Variants in UQCC1 observed in about 807,000 individuals in gnomAD.
UQCC1 encodes ubiquinol-cytochrome c reductase complex assembly factor 1.
In UQCC1, 38 loss-of-function variants were observed where a neutral mutation model predicts 48.0. The observed-to-expected ratio is 0.79, with a 90% confidence interval of 0.61 to 1.04. The LOEUF is 1.04. Among genes scored for constraint, UQCC1 ranks in the 50% least tolerant of loss-of-function variants. UQCC1 has a pLI of 0.00. For synonymous variants in UQCC1, 111 were observed against 129.2 expected (o/e 0.86, Z 0.95); for missense variants, 368 against 381.8 (o/e 0.96, Z 0.30).
At chr20:35,393,316 G>T (rs987541216) in intron 2 of UQCC1, among the ~76,000 whole-genome samples, 1 of 151,898 alleles carries the variant, frequency 6.6e-6, no homozygotes, top group African/African-American at 2.4e-5. Flanking sequence ...CATATCAAAG[G>T]CTAAGTAAAT....
rs144839279 is a variant in UQCC1 at position 35,366,559 on chromosome 20, G to C, written c.462C>G (p.Val154=). ...CTTCATTTAAATTGCTCACTTACCA[G>C]ACGTGGAGTAGGGTTATAAGAAACC... ...NSWFLITLLH[V]WMCLVRMKQE... The change falls in exon 6 of 10, where the codon GTC becomes GTG. Residue 154 remains valine, a splice_region_variant and synonymous_variant. Coordinates refer to ENST00000374385, the MANE Select transcript of UQCC1 (RefSeq NM_018244.5). The C allele has an allele frequency of 2.5e-6, 4 of 1,613,632 alleles. No homozygotes were observed. The African/African-American group carries it at 5.3e-5, about 22-fold the overall frequency.
chr20:35,350,123 A>G (rs2061474207), intron 6 of UQCC1, among the ~76,000 whole-genome samples: 2 of 152,204 alleles, frequency 1.3e-5, no homozygotes, highest in Admixed American at 6.6e-5. Context: ...AGGAATGTCT[A>G]AAGTTTTGTT....
chr20:35,399,843 G>A (rs1456883795), intron 1 of UQCC1, among the ~76,000 whole-genome samples: 1 of 120,736 alleles, frequency 8.3e-6, no homozygotes, highest in Non-Finnish European at 1.7e-5. Flanking sequence ...GCGTGACAGA[G>A]CAAGACTCCA....
intron 1 of UQCC1, among the ~76,000 whole-genome samples, chr20:35,397,105 C>T (rs1353350561): frequency 6.7e-6 from 1 of 148,266 alleles, no homozygotes; most frequent in Non-Finnish European, 1.5e-5. Flanking sequence ...GGCTGAGGCA[C>T]GAGAATCACT....
chr20:35,399,718 G>A (rs1380391257), intron 1 of UQCC1, among the ~76,000 whole-genome samples: 8 of 151,814 alleles, frequency 5.3e-5, no homozygotes, highest in East Asian at 2.0e-4. Context: ...TTAGCCGGGC[G>A]TGGTGGCAGG....
At chr20:35,338,971 G>A (rs1387883875) in intron 7 of UQCC1, among the ~76,000 whole-genome samples, 1 of 129,580 alleles carries the variant, frequency 7.7e-6, no homozygotes, top group Non-Finnish European at 1.5e-5. Context: ...GCTGAATAGA[G>A]AACCTCTGAG....
At chr20:35,330,654 T>C (rs2061246333) in intron 7 of UQCC1, among the ~76,000 whole-genome samples, 1 of 152,152 alleles carries the variant, frequency 6.6e-6, no homozygotes, top group Admixed American at 6.5e-5. Flanking sequence ...TCTCTTCTGG[T>C]CCCTTTGAAC....
chr20:35,363,555 A>G (rs1169354284), intron 6 of UQCC1, among the ~76,000 whole-genome samples: 1 of 152,188 alleles, frequency 6.6e-6, no homozygotes, highest in African/African-American at 2.4e-5. Flanking sequence ...TAAGTGAAAC[A>G]CCATTTCCTC....
At chr20:35,400,605 C>A (rs1430435854) in intron 1 of UQCC1, among the ~76,000 whole-genome samples, 1 of 151,840 alleles carries the variant, frequency 6.6e-6, no homozygotes, top group Non-Finnish European at 1.5e-5. Flanking sequence ...ACGCCATTCT[C>A]CTGCCTCAGC....
chr20:35,379,355 A>T (rs1446065518), intron 4 of UQCC1, among the ~76,000 whole-genome samples: 1 of 152,240 alleles, frequency 6.6e-6, no homozygotes, highest in Non-Finnish European at 1.5e-5. Context: ...CAAAACAAAT[A>T]ATTTTGCCAG....
intron 6 of UQCC1, among the ~76,000 whole-genome samples, chr20:35,362,595 G>A (rs1006752836): frequency 3.3e-5 from 5 of 152,120 alleles, no homozygotes; most frequent in African/African-American, 9.7e-5. Context: ...CTAACCTCAG[G>A]TGATCTGCCC....
chr20:35,372,308 CAAA>C (rs1195132058), intron 5 of UQCC1, among the ~76,000 whole-genome samples: 3 of 93,966 alleles, frequency 3.2e-5, no homozygotes, highest in Admixed American at 1.2e-4. Context: ...GATTCTGTCT[CAAA>C]AAAAAAAAAA....
chr20:35,326,201 A>G (rs181151652), intron 7 of UQCC1, among the ~76,000 whole-genome samples: 1 of 152,228 alleles, frequency 6.6e-6, no homozygotes, highest in Admixed American at 6.5e-5. Context: ...TGCTTTCAAG[A>G]GAAATGACTA....
Position 35,303,257 on chromosome 20 carries a change from G to C in UQCC1, c.*678C>G, listed in dbSNP as rs1220939791. On this transcript the variant is annotated 3_prime_UTR_variant, in exon 10 of 10. Transcript: ENST00000374385. ...GCCCTTGGTCATCAGAGGCCTCCTG[G>C]GTCCCAGACGACAGGCCTGGCTGGC... is the stretch of plus-strand genomic sequence containing the variant. The C allele has an allele frequency of 6.6e-6, 1 of 152,204 alleles. No individual in the cohort carries two copies. Among genetic ancestry groups the C allele is most frequent in the Non-Finnish European group, 1.5e-5 (1 of 68,064 alleles). The allele number at this position is 152,204 out of a possible 1,614,324, so 9.4% of individuals were successfully genotyped here. A position where few individuals can be genotyped will look rare whatever the true frequency, so the allele number is the denominator to read the frequency against.
At chr20:35,358,303 G>A (rs1206450205) in intron 6 of UQCC1, among the ~76,000 whole-genome samples, 1 of 133,154 alleles carries the variant, frequency 7.5e-6, no homozygotes, top group Non-Finnish European at 1.5e-5. Flanking sequence ...GCAGTGAGCC[G>A]AGACTGTGCC....
intron 1 of UQCC1, among the ~76,000 whole-genome samples, chr20:35,405,268 A>C (rs1434965033): frequency 6.6e-6 from 1 of 152,222 alleles, no homozygotes; most frequent in African/African-American, 2.4e-5. Context: ...CCACTAAGCT[A>C]TCTAAGCAGA....
intron 2 of UQCC1, among the ~76,000 whole-genome samples, chr20:35,387,348 G>C (rs1041790616): frequency 1.3e-5 from 2 of 152,054 alleles, no homozygotes; most frequent in Non-Finnish European, 2.9e-5. Flanking sequence ...GAAAGGGGGT[G>C]CTGGGACAAA....
intron 2 of UQCC1, among the ~76,000 whole-genome samples, chr20:35,391,489 T>C (rs1209442132): frequency 1.3e-5 from 2 of 152,040 alleles, no homozygotes; most frequent in African/African-American, 2.4e-5. Context: ...CCAGGTGTCA[T>C]GGCACATACT....
intron 1 of UQCC1, among the ~76,000 whole-genome samples, chr20:35,411,087 T>G (rs1234684600): frequency 6.6e-6 from 1 of 152,184 alleles, no homozygotes; most frequent in Non-Finnish European, 1.5e-5. Context: ...TGAAAAACAG[T>G]GTCTTTGACC....
Sources: allele counts gnomAD v4.1 joint callset (sites outside exome capture counted in the v4.1 genomes callset), GRCh38; gene constraint gnomAD v4.1.1; transcripts MANE v1.5; gene names NCBI Gene and HGNC (gene_info 2026-07-23, HGNC 2026-07-21).